The following RBP5 variants were observed in gnomAD, a reference collection of about 807,000 sequenced individuals.
RBP5 encodes the protein retinol-binding protein 5.
Under a neutral mutation model 17.8 loss-of-function variants are expected in RBP5, and 12 were observed. The observed-to-expected ratio is 0.67, with a 90% CI of 0.43 to 1.09. RBP5 has a LOEUF of 1.09. Ranked by LOEUF, RBP5 falls within the 50% of genes least tolerant of loss-of-function variation. The pLI, the probability that RBP5 is intolerant of heterozygous loss-of-function variation, is 0.00. For synonymous variants in RBP5, 64 were observed against 68.1 expected (o/e 0.94, Z 0.30); for missense variants, 172 against 169.4 (o/e 1.02, Z -0.09).
Position 7,124,449 on chromosome 12 carries a change from C to T in RBP5, c.354+180G>A, listed in dbSNP as rs1259551981. On this transcript the variant is annotated intron_variant, in intron 3 of 3. Coordinates refer to ENST00000266560, the MANE Select transcript of RBP5 (RefSeq NM_031491.4). The surrounding 1 kb of genome is among the most constrained non-coding windows in gnomAD (Gnocchi z 5.3). ...ACTCGTAGCCAGGGCCCACCTTGGCCACTCTGTTTCTTCCTCTCCCCACTC... is the reference window on the plus strand; with the variant it reads ...ACTCGTAGCCAGGGCCCACCTTGGCTACTCTGTTTCTTCCTCTCCCCACTC... 1.3e-5 allele frequency among the ~76,000 whole-genome samples: 2 copies of T among 152,156 alleles called. No individual in the cohort carries two copies. The highest frequency in any genetic ancestry group is 2.9e-5 in the Non-Finnish European group (2 of 68,022).
Position 7,117,369 on chromosome 12 carries a change from GT to G in RBP5, n.890-63del, listed in dbSNP as rs1192928798. On this transcript the variant is annotated intron_variant and non_coding_transcript_variant, in intron 3 of 3. Coordinates refer to the RBP5 transcript ENST00000619522. This position sits in a 1 kb window ranked among gnomAD's most constrained non-coding sequence, Gnocchi z 4.9. ...TGGGAAGCAGGTATTGTTGGTGGCT[GT>G]CTCGGACGCTGGTTCTCATAGAAGT... The G allele has an allele frequency of 2.6e-5, 4 of 152,362 alleles. No homozygotes were observed. Among genetic ancestry groups the G allele is most frequent in the African/African-American group, 9.6e-5 (4 of 41,578 alleles). 9.4% of individuals were successfully genotyped at this position (152,362 alleles called of 1,614,324 possible). A position where few individuals can be genotyped will look rare whatever the true frequency, so the allele number is the denominator to read the frequency against.
downstream of RBP5, chr12:7,121,769 G>A (rs1469345341): frequency 6.4e-6 from 1 of 155,498 alleles, no homozygotes; most frequent in Non-Finnish European, 1.5e-5. Flanking sequence ...AGTGGGAGTG[G>A]GGCAGGGGCC....
rs75244110 is a variant in RBP5 at position 7,123,797 on chromosome 12, A to G, written c.*324T>C. On this transcript the variant is annotated 3_prime_UTR_variant, in exon 4 of 4. Coordinates refer to ENST00000266560, the MANE Select transcript of RBP5 (RefSeq NM_031491.4). ...GCCCAAAGCTTAGTTCTTTCTTAGA[A>G]GGAAAAGAAGAGGTCAAATGGACAG... The G allele has an allele frequency of 6.2e-3, 1,700 of 273,216 alleles. 12 individuals carry two copies. The highest frequency in any genetic ancestry group is 9.3e-3 in the Non-Finnish European group (1,344 of 144,452). The allele number at this position is 273,216 out of a possible 1,614,324, so 16.9% of individuals were successfully genotyped here.
At chr12:7,125,830 T>C (rs760067113) in intron 2 of RBP5, among the ~76,000 whole-genome samples, 14 of 152,282 alleles carry the variant, frequency 9.2e-5, no homozygotes, top group Admixed American at 3.3e-4. Flanking sequence ...TAACAGATGA[T>C]GTAATGTAAT....
downstream of RBP5, among the ~76,000 whole-genome samples, chr12:7,119,978 G>T (rs1939057651): frequency 2.6e-5 from 4 of 152,162 alleles, no homozygotes; most frequent in South Asian, 8.3e-4. Flanking sequence ...CAAGTGATTT[G>T]TCCATGAACC....
intron 3 of RBP5, chr12:7,118,397 A>C (rs768502938): frequency 6.6e-6 from 1 of 152,366 alleles, no homozygotes; most frequent in Admixed American, 6.5e-5. Context: ...GCACAGGCAC[A>C]CAGAAGTGAA....
Position 7,128,211 on chromosome 12 carries a change from C to G in RBP5, c.252+29G>C. 6.3e-7 allele frequency: 1 copy of G among 1,585,254 alleles called. No homozygotes were observed. Among genetic ancestry groups the G allele is most frequent in the Non-Finnish European group, 8.6e-7 (1 of 1,163,404 alleles). On this transcript the variant is annotated intron_variant, in intron 2 of 3. Transcript: ENST00000266560. The surrounding 1 kb of genome is among the most constrained non-coding windows in gnomAD (Gnocchi z 5.3). ...AGGAGTCTCCTGTGATGCCTCCTTC[C>G]GGCCACCGCCCAGCCAGGGGAAATG...
downstream of RBP5, chr12:7,120,394 G>A (rs1239012002): frequency 6.4e-6 from 1 of 155,168 alleles, no homozygotes; most frequent in Non-Finnish European, 1.5e-5. Flanking sequence ...GGCAGGCAGG[G>A]TTCTCTGGGT....
intron 2 of RBP5, among the ~76,000 whole-genome samples, chr12:7,125,697 A>T (rs755617283): frequency 3.3e-5 from 5 of 152,234 alleles, no homozygotes; most frequent in African/African-American, 1.2e-4. Context: ...CAAGGAAAGA[A>T]ACAGCTAGAA....
chr12:7,122,568 G>T (rs1004515109), downstream of RBP5: 4 of 152,190 alleles, frequency 2.6e-5, no homozygotes, highest in Admixed American at 2.6e-4. Context: ...GGCCTCTGCC[G>T]AGACTCCACT....
rs1939021566 is a variant in RBP5 at position 7,117,601 on chromosome 12, A to C, written n.890-294T>G. ...CTGGACAGATGAAAGCATGGCTTAC[A>C]GGAGGCCAACACAATAGGAGGTAGG... On this transcript the variant is annotated intron_variant and non_coding_transcript_variant, in intron 3 of 3. Coordinates refer to the RBP5 transcript ENST00000619522. The surrounding 1 kb of genome is among the most constrained non-coding windows in gnomAD (Gnocchi z 4.9). 1 of 152,184 alleles carries C rather than the reference A, an allele frequency of 6.6e-6. No homozygotes were observed. Among genetic ancestry groups the C allele is most frequent in the African/African-American group, 2.4e-5 (1 of 41,424 alleles). The allele number at this position is 152,184 out of a possible 1,614,324, so 9.4% of individuals were successfully genotyped here. A position where few individuals can be genotyped will look rare whatever the true frequency, so the allele number is the denominator to read the frequency against.
chr12:7,129,460 C>A, upstream of RBP5: 1 of 239,792 alleles, frequency 4.2e-6, no homozygotes, highest in Non-Finnish European at 6.8e-6. The surrounding 1 kb of genome is among the most constrained non-coding windows in gnomAD (Gnocchi z 5.5). Flanking sequence ...GGAGGTGGAG[C>A]CCGAGGGGTG....
Position 7,128,414 on chromosome 12 carries a change from G to T in RBP5, c.78C>A (p.Ile26=), listed in dbSNP as rs1257866998. 6.2e-7 allele frequency: 1 copy of T among 1,614,084 alleles called. No individual in the cohort carries two copies. Residue 26 remains isoleucine, a synonymous_variant, in exon 2 of 4, where the codon ATC becomes ATA. Transcript: ENST00000266560. The surrounding 1 kb of genome is among the most constrained non-coding windows in gnomAD (Gnocchi z 5.3). The part of the protein sequence containing the change: ...NMEDYLQALN[I]SLAVRKIALL... ...GCGCGATCTTCCGCACAGCCAAGCT[G>T]ATGTCTGTGGGGGCTGCCTGTTAGT...
chr12:7,127,748 T>C, intron 2 of RBP5: 1 of 701,250 alleles, frequency 1.4e-6, no homozygotes, highest in Non-Finnish European at 2.6e-6. Flanking sequence ...GTGTAGATGA[T>C]TTAGCCTATG....
intron 3 of RBP5, chr12:7,118,626 G>T (rs1266382465): frequency 1.3e-5 from 2 of 152,188 alleles, no homozygotes; most frequent in Non-Finnish European, 2.9e-5. Context: ...AGACAGAATC[G>T]TGTGGGATAT....
downstream of RBP5, chr12:7,122,505 T>C (rs1382088301): frequency 6.6e-6 from 1 of 152,182 alleles, no homozygotes; most frequent in Non-Finnish European, 1.5e-5. Flanking sequence ...AATAAAAATA[T>C]ATAGAAATAT....
Position 7,123,861 on chromosome 12 carries a change from C to T in RBP5, c.*260G>A, listed in dbSNP as rs1464915186. 2 of 471,762 alleles carry T rather than the reference C, an allele frequency of 4.2e-6. No individual in the cohort carries two copies. Among genetic ancestry groups the T allele is most frequent in the Admixed American group, 3.4e-5 (1 of 29,616 alleles). The allele number at this position is 471,762 out of a possible 1,614,324, so 29.2% of individuals were successfully genotyped here. A position where few individuals can be genotyped will look rare whatever the true frequency, so the allele number is the denominator to read the frequency against. On this transcript the variant is annotated 3_prime_UTR_variant, in exon 4 of 4. Transcript: ENST00000266560. ...TTGGTTGTTCTCAGGGGCTCCTTCC[C>T]TTTGCCTGCTTCTTTCATTTGGGAC... is the stretch of plus-strand genomic sequence containing the variant.
chr12:7,119,310 C>T (rs910968335), downstream of RBP5, among the ~76,000 whole-genome samples: 1 of 151,898 alleles, frequency 6.6e-6, no homozygotes, highest in African/African-American at 2.4e-5. Flanking sequence ...CATCCCTTTT[C>T]TCCTGCATTG....
intron 2 of RBP5, among the ~76,000 whole-genome samples, chr12:7,126,507 GGTGGTGTGTGTGTGTGTGT>G (rs939870977): frequency 3.4e-5 from 1 of 29,812 alleles, no homozygotes; most frequent in African/African-American, 1.4e-4. Flanking sequence ...TGGTGGTGGT[GGTGGTGTGTGTGTGTGTGT>G]GTGTGTGTGT....
Sources: gnomAD v4.1 joint callset for allele counts (sites outside exome capture counted in the v4.1 genomes callset) on GRCh38, gnomAD v4.1.1 for gene constraint, Gnocchi (gnomAD v3.1) non-coding constraint, MANE v1.5 for transcripts, NCBI Gene and HGNC (gene_info 2026-07-23, HGNC 2026-07-21) for gene names.